FBXO31: variants seen among roughly 807,000 people sequenced by gnomAD.
The protein encoded by FBXO31 is F-box only protein 31.
In FBXO31, 24 loss-of-function variants were observed where a neutral mutation model predicts 54.4. That is an observed-to-expected ratio of 0.44 (90% CI 0.32 to 0.62). The LOEUF is 0.62. FBXO31 is among the 20% of genes least tolerant of loss of function. The pLI, the probability that FBXO31 is intolerant of heterozygous loss-of-function variation, is 0.05. For synonymous variants in FBXO31, 388 were observed against 335.6 expected, an observed-to-expected ratio of 1.16 and a Z score of -1.71; for missense variants, 665 against 787.1, an observed-to-expected ratio of 0.84 and a Z score of 1.86.
chr16:87,374,305 C>A (rs1906730373), intron 1 of FBXO31, among the ~76,000 whole-genome samples: 1 of 151,872 alleles, frequency 6.6e-6, no homozygotes, highest in Non-Finnish European at 1.5e-5. Flanking sequence ...TACTTGACTA[C>A]CCCTAACCTA....
intron 1 of FBXO31, among the ~76,000 whole-genome samples, chr16:87,371,707 G>C (rs1484959154): frequency 6.6e-6 from 1 of 152,238 alleles, no homozygotes; most frequent in Non-Finnish European, 1.5e-5. Flanking sequence ...CAGACAGAAA[G>C]ACAAACCCCA....
chr16:87,366,209 C>T (rs1411450972), intron 1 of FBXO31, among the ~76,000 whole-genome samples: 1 of 152,048 alleles, frequency 6.6e-6, no homozygotes, highest in Non-Finnish European at 1.5e-5. Context: ...CAAGTGCAGG[C>T]GTGGTTAATC....
Position 87,360,436 on chromosome 16 carries a change from T to C in FBXO31, c.341-70A>G, listed in dbSNP as rs186994099. On this transcript the variant is annotated intron_variant, in intron 1 of 8. Transcript: ENST00000311635. ...AACGCGACAGACGTGGGCAGGCTGC[T>C]GATGGCTGGCAGGGGAGGTGCACAC... is the stretch of plus-strand genomic sequence containing the variant. The C allele has an allele frequency of 4.6e-5, 64 of 1,395,082 alleles. No homozygotes were observed. In the East Asian group the frequency reaches 1.3e-3, roughly 28 times the overall value. 86.4% of individuals were successfully genotyped at this position (1,395,082 alleles called of 1,614,324 possible).
intron 1 of FBXO31, among the ~76,000 whole-genome samples, chr16:87,364,452 A>T (rs1906267713): frequency 6.6e-6 from 1 of 152,228 alleles, no homozygotes; most frequent in Non-Finnish European, 1.5e-5. Context: ...GACCTGGGCC[A>T]GTTCGCGCCG....
intron 2 of FBXO31, among the ~76,000 whole-genome samples, chr16:87,353,378 C>T (rs1905749858): frequency 6.6e-6 from 1 of 152,258 alleles, no homozygotes; most frequent in African/African-American, 2.4e-5. Flanking sequence ...AGTGGTCTCC[C>T]TCAAAATTCA....
At chr16:87,351,755 G>A (rs1022764057) in intron 2 of FBXO31, among the ~76,000 whole-genome samples, 1 of 152,142 alleles carries the variant, frequency 6.6e-6, no homozygotes, top group African/African-American at 2.4e-5. Context: ...TATAATCCCA[G>A]CTACGTGGGA....
At chr16:87,343,951 A>G (rs569043514) in intron 3 of FBXO31, among the ~76,000 whole-genome samples, 186 bp from the exon 4 acceptor site, 3 of 152,366 alleles carry the variant, frequency 2.0e-5, no homozygotes, top group South Asian at 4.1e-4. Flanking sequence ...ATGCAGGTGG[A>G]CACCAGGAGG....
At chr16:87,354,395 G>A (rs1273373977) in intron 2 of FBXO31, among the ~76,000 whole-genome samples, 5 of 151,932 alleles carry the variant, frequency 3.3e-5, no homozygotes, top group Non-Finnish European at 5.9e-5. Context: ...ATCTGAGCCC[G>A]GGGAGATGAA....
intron 1 of FBXO31, among the ~76,000 whole-genome samples, chr16:87,374,766 G>A (rs905423824): frequency 2.0e-5 from 3 of 152,170 alleles, no homozygotes; most frequent in Admixed American, 6.5e-5. Flanking sequence ...AGGAGTACGC[G>A]CCTGAGTCAT....
chr16:87,351,756 C>G (rs1176328738), intron 2 of FBXO31, among the ~76,000 whole-genome samples: 1 of 152,142 alleles, frequency 6.6e-6, no homozygotes, highest in African/African-American at 2.4e-5. Flanking sequence ...ATAATCCCAG[C>G]TACGTGGGAG....
intron 2 of FBXO31, among the ~76,000 whole-genome samples, chr16:87,352,237 G>A (rs1037050078): frequency 6.6e-6 from 1 of 152,132 alleles, no homozygotes; most frequent in African/African-American, 2.4e-5. Context: ...AATCTAGGAG[G>A]CTAAACAACT....
At chr16:87,332,768 T>G (rs1904908767) in intron 8 of FBXO31, among the ~76,000 whole-genome samples, 1 of 132,572 alleles carries the variant, frequency 7.5e-6, no homozygotes, top group Non-Finnish European at 1.6e-5. Context: ...TGTGGCACCC[T>G]TCCCTCCGTG....
chr16:87,362,673 G>A (rs1163987314), intron 1 of FBXO31: 1 of 151,980 alleles, frequency 6.6e-6, no homozygotes, highest in Non-Finnish European at 1.5e-5. Context: ...CGATTCTCCT[G>A]CCTCACCCTC....
chr16:87,383,448 G>A lies in FBXO31; in HGVS notation c.297C>T (p.Arg99=). 1.9e-6 allele frequency: 3 copies of A among 1,588,112 alleles called. No individual in the cohort carries two copies. The highest frequency in any genetic ancestry group is 2.3e-5 in the South Asian group (2 of 87,398). The change falls in exon 1 of 9, where the codon CGC becomes CGT. Residue 99 remains arginine, a synonymous_variant. Transcript: ENST00000311635. This position sits in a 1 kb window ranked among gnomAD's most constrained non-coding sequence, Gnocchi z 4.9. ...SLAQVCTKFR[R]ILHTDTIWRR... is the part of the protein sequence containing the mutation. ...TCCAGATGGTGTCGGTGTGGAGGATGCGCCGGAACTTCGTGCAGACCTGGG... is the reference window on the plus strand; with the variant it reads ...TCCAGATGGTGTCGGTGTGGAGGATACGCCGGAACTTCGTGCAGACCTGGG...
At chr16:87,366,052 A>C (rs1032480395) in intron 1 of FBXO31, among the ~76,000 whole-genome samples, 5 of 152,086 alleles carry the variant, frequency 3.3e-5, no homozygotes, top group Non-Finnish European at 5.9e-5. Context: ...AAAACAAAAA[A>C]CAAATCGGTC....
At chr16:87,374,246 GAA>G (rs1229442152) in intron 1 of FBXO31, among the ~76,000 whole-genome samples, 1 of 129,706 alleles carries the variant, frequency 7.7e-6, no homozygotes, top group African/African-American at 2.8e-5. Context: ...TCCACAAAAA[GAA>G]AAAAAAAAAA....
chr16:87,390,171 C>CT (rs1907473963), upstream of FBXO31, among the ~76,000 whole-genome samples: 1 of 152,078 alleles, frequency 6.6e-6, no homozygotes, highest in Non-Finnish European at 1.5e-5. Flanking sequence ...TTCCCAGCTA[C>CT]TGGGGAGGCT....
chr16:87,344,616 T>C (rs1434579210), intron 3 of FBXO31, among the ~76,000 whole-genome samples: 1 of 151,956 alleles, frequency 6.6e-6, no homozygotes, highest in Non-Finnish European at 1.5e-5. Context: ...TTTCCCCAAT[T>C]ATCCACTGCT....
intron 1 of FBXO31, among the ~76,000 whole-genome samples, chr16:87,372,365 A>T (rs1352151857): frequency 2.0e-5 from 3 of 152,178 alleles, no homozygotes; most frequent in South Asian, 2.1e-4. Flanking sequence ...GAAAAGGCAG[A>T]GGAAAAGGAA....
Sources: gnomAD v4.1 joint callset for allele counts (sites outside exome capture counted in the v4.1 genomes callset) on GRCh38, gnomAD v4.1.1 for gene constraint, Gnocchi (gnomAD v3.1) non-coding constraint, MANE v1.5 for transcripts, NCBI Gene and HGNC (gene_info 2026-07-23, HGNC 2026-07-21) for gene names.